The following FER1L6 variants were observed in gnomAD, a reference collection of about 807,000 sequenced individuals.
FER1L6 encodes the protein fer-1-like protein 6.
A neutral mutation model predicts 219.2 loss-of-function variants in FER1L6; 177 were observed. The ratio of observed to expected loss-of-function variants is 0.81; its 90% CI spans 0.71 to 0.91. FER1L6 has a LOEUF of 0.91. Ranked by LOEUF, FER1L6 falls within the 40% of genes least tolerant of loss-of-function variation. The pLI is 0.00. For synonymous variants in FER1L6, 768 were observed against 824.3 expected (o/e 0.93, Z 1.17); for missense variants, 2,153 against 2,259.9 (o/e 0.95, Z 0.96).
In FER1L6 at chr8:124,091,585, T is replaced by C; in HGVS notation, c.4552+2T>C. On this transcript the variant is annotated splice_donor_variant, in intron 34 of 40. Transcript: ENST00000522917. LOFTEE classifies it high-confidence loss of function. ...CTATCTTCACTGAAGAGGACACTGG[T>C]AACTCCCTGCAAAATATCCTGCTGG... 6.2e-7 allele frequency: 1 copy of C among 1,611,756 alleles called. No homozygotes were observed. Among genetic ancestry groups the C allele is most frequent in the Non-Finnish European group, 8.5e-7 (1 of 1,179,006 alleles).
In FER1L6 at chr8:124,066,604, C is replaced by A. The variant is rs1461363860; in HGVS notation, c.3678+54C>A. 2.5e-6 allele frequency: 4 copies of A among 1,592,900 alleles called. No homozygotes were observed. The African/African-American group carries it at 4.0e-5, about 16-fold the overall frequency. On this transcript the variant is annotated intron_variant, in intron 27 of 40. Coordinates refer to ENST00000522917, the MANE Select transcript of FER1L6 (RefSeq NM_001039112.2). ...AGAGATTCAATAAGGAAACACAGCACCTTCTCCTACCCTAAGTCCTACATA... is the reference window on the plus strand; with the variant it reads ...AGAGATTCAATAAGGAAACACAGCAACTTCTCCTACCCTAAGTCCTACATA...
At chr8:123,965,950 A>T (rs1815515040) in intron 3 of FER1L6, 57 bp from the exon 4 acceptor site, 1 of 1,419,714 alleles carries the variant, frequency 7.0e-7, no homozygotes, top group African/African-American at 1.4e-5. Context: ...GAATATTATC[A>T]TGACTTATGG....
intron 39 of FER1L6, among the ~76,000 whole-genome samples, chr8:124,109,727 C>G (rs1417019984): frequency 6.6e-6 from 1 of 152,118 alleles, no homozygotes; most frequent in Non-Finnish European, 1.5e-5. Context: ...TACAGAAAGC[C>G]TCCCCTGGGC....
At chr8:124,033,486 A>G (rs552562747) in intron 18 of FER1L6, among the ~76,000 whole-genome samples, 1 of 151,936 alleles carries the variant, frequency 6.6e-6, no homozygotes, top group African/African-American at 2.4e-5. Context: ...AACAAAATAA[A>G]CTTACTTGAT....
intron 1 of FER1L6, among the ~76,000 whole-genome samples, chr8:123,876,965 C>T (rs1336182941): frequency 4.6e-5 from 7 of 152,356 alleles, no homozygotes; most frequent in Middle Eastern, 3.4e-3. Flanking sequence ...GGCCCCTAGG[C>T]TGGCTTGGCC....
chr8:124,002,046 G>A (rs912006678), intron 12 of FER1L6, among the ~76,000 whole-genome samples: 9 of 152,154 alleles, frequency 5.9e-5, no homozygotes, highest in African/African-American at 9.7e-5. Context: ...CCTGTGAGGC[G>A]CTCTCAAGTG....
chr8:123,896,789 T>C (rs1174371959), intron 1 of FER1L6, among the ~76,000 whole-genome samples: 1 of 152,162 alleles, frequency 6.6e-6, no homozygotes, highest in Non-Finnish European at 1.5e-5. Flanking sequence ...ACACCATCTA[T>C]ATGCTGATAA....
chr8:124,095,000 C>G lies in FER1L6; in HGVS notation c.4657C>G (p.Arg1553Gly), dbSNP rs564170187. 1 of 1,614,094 alleles carries G rather than the reference C, an allele frequency of 6.2e-7. No individual in the cohort carries two copies. The stretch of plus-strand genomic sequence containing the variant: ...GCTGGTTCCTGAACACATAGAAACT[C>G]GGCCACTGTACCACAAGGATAAGCC... ...CRLVPEHIET[R>G]PLYHKDKPGM... is the part of the protein sequence containing the mutation. Residue 1553 changes from arginine to glycine, a missense_variant, in exon 35 of 41, where the codon CGG (arginine) becomes GGG (glycine). Transcript: ENST00000522917.
chr8:123,930,489 A>G (rs185628049), intron 1 of FER1L6, among the ~76,000 whole-genome samples: 22 of 152,308 alleles, frequency 1.4e-4, no homozygotes, highest in South Asian at 1.0e-3. Context: ...GGAAGGAGCC[A>G]TTCCTTTGAG....
At chr8:124,067,870 A>G (rs1820892861) in intron 28 of FER1L6, 64 bp downstream of exon 28, 1 of 1,383,372 alleles carries the variant, frequency 7.2e-7, no homozygotes, top group Admixed American at 1.7e-5. Flanking sequence ...AAAATTGTAA[A>G]ATGGAAGCCA....
chr8:123,968,683 A>G (rs1461606753), intron 5 of FER1L6, among the ~76,000 whole-genome samples: 5 of 152,198 alleles, frequency 3.3e-5, no homozygotes, highest in African/African-American at 1.2e-4. Flanking sequence ...GAAATGTTGT[A>G]TGTATTGTCT....
intron 11 of FER1L6, among the ~76,000 whole-genome samples, chr8:123,983,243 A>G (rs1816401490): frequency 6.6e-6 from 1 of 151,990 alleles, no homozygotes; most frequent in African/African-American, 2.4e-5. Flanking sequence ...CCGTACCTTC[A>G]TTGCCCATCT....
At chr8:123,922,389 A>G (rs1180064215) in intron 1 of FER1L6, among the ~76,000 whole-genome samples, 1 of 152,228 alleles carries the variant, frequency 6.6e-6, no homozygotes, top group Non-Finnish European at 1.5e-5. Flanking sequence ...AAAACCTCCG[A>G]CTGAGGAAAG....
intron 1 of FER1L6, among the ~76,000 whole-genome samples, chr8:123,884,363 G>A (rs577270115): frequency 4.0e-5 from 6 of 151,612 alleles, no homozygotes; most frequent in African/African-American, 1.5e-4. Context: ...AGCTGCCAAG[G>A]GGCAGCTCTG....
chr8:124,073,567 C>G (rs1341185110), intron 31 of FER1L6, among the ~76,000 whole-genome samples: 4 of 152,168 alleles, frequency 2.6e-5, no homozygotes, highest in Admixed American at 6.5e-5. Context: ...AATTTCCCCA[C>G]CTCTTTTTTT....
chr8:123,966,765 T>C (rs1448083836), intron 5 of FER1L6, among the ~76,000 whole-genome samples: 2 of 152,214 alleles, frequency 1.3e-5, no homozygotes, highest in Non-Finnish European at 2.9e-5. Context: ...CTAAATATCG[T>C]ACATGCTAAA....
In FER1L6 at chr8:124,119,906, A is replaced by T. The variant is rs954925339; in HGVS notation, c.*116A>T. On this transcript the variant is annotated 3_prime_UTR_variant, in exon 41 of 41. Coordinates refer to ENST00000522917, the MANE Select transcript of FER1L6 (RefSeq NM_001039112.2). ...TGCTGAGTGCTAAGGGGACAGATCA[A>T]CCCTTCTTGGAAGAGATGGAAAAGA... The T allele has an allele frequency of 3.8e-6, 4 of 1,062,460 alleles. No homozygotes were observed. In the African/African-American group the frequency reaches 6.4e-5, roughly 17 times the overall value. The allele number at this position is 1,062,460 out of a possible 1,614,324, so 65.8% of individuals were successfully genotyped here. A position where few individuals can be genotyped will look rare whatever the true frequency, so the allele number is the denominator to read the frequency against.
intron 32 of FER1L6, among the ~76,000 whole-genome samples, chr8:124,079,573 G>GT (rs1226087661): frequency 6.6e-6 from 1 of 152,154 alleles, no homozygotes; most frequent in Admixed American, 6.5e-5. Flanking sequence ...GATTGCAAAT[G>GT]TTTTTTTCTT....
intron 1 of FER1L6, among the ~76,000 whole-genome samples, chr8:123,930,315 AT>A (rs1012444659): frequency 4.2e-4 from 63 of 151,402 alleles, no homozygotes; most frequent in African/African-American, 1.4e-3. Flanking sequence ...GTCTATCTCT[AT>A]TTTTTATAAC....
Sources: allele counts gnomAD v4.1 joint callset (sites outside exome capture counted in the v4.1 genomes callset), GRCh38; gene constraint gnomAD v4.1.1; transcripts MANE v1.5; gene names NCBI Gene and HGNC (gene_info 2026-07-23, HGNC 2026-07-21).